Variants in CACNA2D1 observed in about 807,000 individuals in gnomAD.
CACNA2D1 encodes the protein voltage-dependent calcium channel subunit alpha-2/delta-1.
A neutral mutation model predicts 171.5 loss-of-function variants in CACNA2D1; 53 were observed. That is an observed-to-expected ratio of 0.31 (90% CI 0.25 to 0.39). The LOEUF is 0.39. Ranked by LOEUF, CACNA2D1 falls within the 10% of genes least tolerant of loss-of-function variation. CACNA2D1 has a pLI of 1.00. For missense variants in CACNA2D1, 903 were observed against 1,299.8 expected, an observed-to-expected ratio of 0.69 and a Z score of 4.69; for synonymous variants, 442 against 443.1, an observed-to-expected ratio of 1.00 and a Z score of 0.03.
chr7:82,234,643 G>T (rs530979230), intron 3 of CACNA2D1, among the ~76,000 whole-genome samples: 1 of 152,028 alleles, frequency 6.6e-6, no homozygotes, highest in Non-Finnish European at 1.5e-5. Flanking sequence ...ACCACAAGGG[G>T]GCCGTAGCTA....
chr7:82,359,279 ACTTCAGC>A (rs1398119532), intron 1 of CACNA2D1, among the ~76,000 whole-genome samples: 1 of 152,192 alleles, frequency 6.6e-6, no homozygotes, highest in African/African-American at 2.4e-5. Context: ...CGCAAAATTT[ACTTCAGC>A]CTAATTCGAG....
chr7:82,232,772 G>A lies in CACNA2D1; in HGVS notation c.295-62163C>T, dbSNP rs191806274. Among the ~76,000 whole-genome samples the A allele has an allele frequency of 1.0e-3, 149 of 146,778 alleles. 1 individual carries two copies. Among genetic ancestry groups the A allele is most frequent in the African/African-American group, 3.7e-3 (147 of 40,038 alleles). ...CCATCTACTCGGGAGGCTGAGGCAG[G>A]AGAATTGCTTGAATCCGGGAGGCAG... On this transcript the variant is annotated intron_variant, in intron 3 of 38. Transcript: ENST00000356860.
chr7:82,399,608 C>A, intron 1 of CACNA2D1, among the ~76,000 whole-genome samples: 1 of 152,164 alleles, frequency 6.6e-6, no homozygotes, highest in East Asian at 1.9e-4. Context: ...ACTGGCGAAT[C>A]TTGTATTTAC....
chr7:82,399,889 C>A (rs1291792902), intron 1 of CACNA2D1, among the ~76,000 whole-genome samples: 2 of 152,094 alleles, frequency 1.3e-5, no homozygotes, highest in Admixed American at 1.3e-4. Context: ...AATTCAAATT[C>A]TTCCAGATTT....
intron 6 of CACNA2D1, among the ~76,000 whole-genome samples, chr7:82,104,705 C>T (rs1813104343): frequency 6.6e-6 from 1 of 151,990 alleles, no homozygotes; most frequent in African/African-American, 2.4e-5. Context: ...CAACCCACAA[C>T]ATCCTTTAAA....
intron 2 of CACNA2D1, among the ~76,000 whole-genome samples, chr7:82,340,584 TTTA>T (rs1176133274): frequency 6.6e-6 from 1 of 152,200 alleles, no homozygotes; most frequent in Non-Finnish European, 1.5e-5. Context: ...ACATTATTTA[TTTA>T]TTATAACTTT....
intron 3 of CACNA2D1, among the ~76,000 whole-genome samples, chr7:82,317,760 G>A (rs980958184): frequency 7.2e-5 from 11 of 151,940 alleles, no homozygotes; most frequent in Admixed American, 1.3e-4. Flanking sequence ...GACATTTGGC[G>A]TCATTTAAAT....
chr7:82,343,974 A>G (rs935282979), intron 2 of CACNA2D1, among the ~76,000 whole-genome samples: 4 of 152,228 alleles, frequency 2.6e-5, no homozygotes, highest in African/African-American at 9.6e-5. Flanking sequence ...CAAAACTGAT[A>G]TGTACCAATG....
intron 3 of CACNA2D1, among the ~76,000 whole-genome samples, chr7:82,297,618 C>A (rs1812462027): frequency 6.6e-6 from 1 of 152,054 alleles, no homozygotes; most frequent in Non-Finnish European, 1.5e-5. Flanking sequence ...AAACAGAATT[C>A]TAGGATACAA....
At chr7:82,170,460 C>A (rs543270893) in intron 4 of CACNA2D1, 90 bp downstream of exon 4, 5 of 971,184 alleles carry the variant, frequency 5.1e-6, no homozygotes, top group Admixed American at 3.4e-5. Context: ...TCATAAGATT[C>A]CATCATTAAA....
chr7:82,059,455 A>G (rs1323549182), intron 10 of CACNA2D1, among the ~76,000 whole-genome samples: 1 of 152,098 alleles, frequency 6.6e-6, no homozygotes, highest in Non-Finnish European at 1.5e-5. Flanking sequence ...CATTATAGAT[A>G]TGTGTCCAAG....
Position 81,950,217 on chromosome 7 carries a change from C to G in CACNA2D1, c.*175G>C. 1 of 1,108,236 alleles carries G rather than the reference C, an allele frequency of 9.0e-7. No individual in the cohort carries two copies. Among genetic ancestry groups the G allele is most frequent in the Middle Eastern group, 2.9e-4 (1 of 3,394 alleles). 68.7% of individuals were successfully genotyped at this position (1,108,236 alleles called of 1,614,324 possible). A position where few individuals can be genotyped will look rare whatever the true frequency, so the allele number is the denominator to read the frequency against. Reference sequence around the variant, plus strand: ...CACACACGTTTAAGGATCTGACACCCTGACATGCAGCCAGTGGGTGCCTTA... The same window carrying G: ...CACACACGTTTAAGGATCTGACACCGTGACATGCAGCCAGTGGGTGCCTTA... On this transcript the variant is annotated 3_prime_UTR_variant, in exon 39 of 39. Coordinates refer to ENST00000356860, the MANE Select transcript of CACNA2D1 (RefSeq NM_000722.4).
At chr7:81,950,558 C>T (rs1184098229) in intron 38 of CACNA2D1, 50 bp from the exon 39 acceptor site, 1 of 1,556,114 alleles carries the variant, frequency 6.4e-7, no homozygotes, top group Non-Finnish European at 8.7e-7. Context: ...ATCTAAAAAT[C>T]TTGAAAAATA....
chr7:81,962,521 TAAACATC>T (rs1794263301), intron 34 of CACNA2D1, 26 bp from the exon 35 acceptor site: 1 of 1,423,928 alleles, frequency 7.0e-7, no homozygotes, highest in African/African-American at 1.4e-5. Context: ...AAAAAAAAAA[TAAACATC>T]TAGGGAAAAA....
At chr7:82,346,546 A>T (rs911488703) in intron 2 of CACNA2D1, among the ~76,000 whole-genome samples, 3 of 152,198 alleles carry the variant, frequency 2.0e-5, no homozygotes, top group Non-Finnish European at 4.4e-5. Context: ...TGAAGAAAAA[A>T]ATCAGTGAAA....
At chr7:82,218,729 A>T (rs1801443468) in intron 3 of CACNA2D1, among the ~76,000 whole-genome samples, 1 of 152,214 alleles carries the variant, frequency 6.6e-6, no homozygotes, top group Admixed American at 6.5e-5. Flanking sequence ...ACTAAAACTC[A>T]AGAAATAGAA....
At position 82,034,188 on chromosome 7, in the gene CACNA2D1, G is replaced by A. The variant is rs116439144; in HGVS notation, c.1039-1287C>T. Among the ~76,000 whole-genome samples, 810 of 152,158 alleles carry A rather than the reference G, an allele frequency of 5.3e-3. 10 individuals are homozygous for A. Among genetic ancestry groups the A allele is most frequent in the African/African-American group, 0.019 (770 of 41,536 alleles). ...TCATTTCAGATCAGCCACCTTTCAA[G>A]TGCTCACTAGCCACCTGTGATTGTT... On this transcript the variant is annotated intron_variant, in intron 11 of 38. Coordinates refer to ENST00000356860, the MANE Select transcript of CACNA2D1 (RefSeq NM_000722.4).
intron 2 of CACNA2D1, 114 bp from the exon 3 acceptor site, chr7:82,335,365 C>T (rs1817864369): frequency 2.8e-6 from 2 of 712,760 alleles, no homozygotes; most frequent in Non-Finnish European, 5.0e-6. Context: ...CCACCCTGTT[C>T]TTTATCTTGA....
At chr7:82,418,595 C>T (rs191201099) in intron 1 of CACNA2D1, among the ~76,000 whole-genome samples, 2 of 152,202 alleles carry the variant, frequency 1.3e-5, no homozygotes, top group South Asian at 2.1e-4. Context: ...CATGTAATAG[C>T]ATTCCCTCCT....
Sources: gnomAD v4.1 joint callset for allele counts (sites outside exome capture counted in the v4.1 genomes callset) on GRCh38, gnomAD v4.1.1 for gene constraint, MANE v1.5 for transcripts, NCBI Gene and HGNC (gene_info 2026-07-23, HGNC 2026-07-21) for gene names.